The following PCDHA11 variants were observed in gnomAD, a reference collection of about 807,000 sequenced individuals.
PCDHA11 encodes the protein protocadherin alpha 11, also known as protocadherin alpha-11.
A neutral mutation model predicts 70.3 loss-of-function variants in PCDHA11; 61 were observed. That is an observed-to-expected ratio of 0.87 (90% CI 0.71 to 1.07). PCDHA11 has a LOEUF of 1.07. Ranked by LOEUF, PCDHA11 falls within the 50% of genes least tolerant of loss-of-function variation. The pLI, the probability that PCDHA11 is intolerant of heterozygous loss-of-function variation, is 0.00. For synonymous variants in PCDHA11, 633 were observed against 555.1 expected (o/e 1.14, Z -1.97); for missense variants, 1,324 against 1,237.5 (o/e 1.07, Z -1.05).
At chr5:140,970,762 A>C (rs2096431667) in intron 1 of PCDHA11, among the ~76,000 whole-genome samples, 1 of 152,198 alleles carries the variant, frequency 6.6e-6, no homozygotes, top group Admixed American at 6.5e-5. Context: ...TCATTGACAT[A>C]TTGCTGTACA....
intron 1 of PCDHA11, among the ~76,000 whole-genome samples, chr5:140,892,414 C>G (rs2063506203): frequency 6.6e-6 from 1 of 152,124 alleles, no homozygotes; most frequent in Non-Finnish European, 1.5e-5. Context: ...TTCAGGTATT[C>G]TAGATAAAAC....
chr5:140,985,643 A>G (rs564908892), intron 3 of PCDHA11, among the ~76,000 whole-genome samples: 1 of 151,200 alleles, frequency 6.6e-6, no homozygotes, highest in Non-Finnish European at 1.5e-5. Context: ...TCATCCCAAC[A>G]CTTGCAATGG....
At chr5:140,972,453 G>A (rs2096536665) in intron 1 of PCDHA11, among the ~76,000 whole-genome samples, 3 of 151,360 alleles carry the variant, frequency 2.0e-5, no homozygotes, top group South Asian at 2.1e-4. Context: ...TTTTTCTCTT[G>A]TTGCTTATTA....
intron 1 of PCDHA11, chr5:140,929,247 T>G (rs2085977234): frequency 1.9e-6 from 3 of 1,613,780 alleles, no homozygotes. Flanking sequence ...ATCTTGCCAC[T>G]GGGGTAGGAC....
Position 141,012,272 on chromosome 5 carries a change from C to G in PCDHA11, c.*2335C>G, listed in dbSNP as rs186406635. On this transcript the variant is annotated 3_prime_UTR_variant, in exon 4 of 4. Transcript: ENST00000398640. ...TTACAGCTGTAAGGATAAAACACGTCATGTGGATTCATTTTGAATTGGTGC... is the reference window on the plus strand; with the variant it reads ...TTACAGCTGTAAGGATAAAACACGTGATGTGGATTCATTTTGAATTGGTGC... 3.3e-4 allele frequency: 51 copies of G among 153,858 alleles called. No individual in the cohort carries two copies. In the East Asian group the frequency reaches 6.6e-3, roughly 20 times the overall value. 9.5% of individuals were successfully genotyped at this position (153,858 alleles called of 1,614,324 possible). A position where few individuals can be genotyped will look rare whatever the true frequency, so the allele number is the denominator to read the frequency against.
At chr5:140,907,915 C>T (rs1554193177) in intron 1 of PCDHA11, among the ~76,000 whole-genome samples, 1 of 152,234 alleles carries the variant, frequency 6.6e-6, no homozygotes, top group Admixed American at 6.5e-5. Context: ...TTTGACCACT[C>T]AGAGAGGTCC....
intron 1 of PCDHA11, chr5:140,929,420 C>A: frequency 6.7e-7 from 1 of 1,502,700 alleles, no homozygotes; most frequent in Non-Finnish European, 8.9e-7. Context: ...CACAACATTT[C>A]ATCAATTGAA....
intron 1 of PCDHA11, among the ~76,000 whole-genome samples, chr5:140,905,700 A>G (rs926526227): frequency 3.9e-5 from 6 of 152,136 alleles, no homozygotes; most frequent in Non-Finnish European, 5.9e-5. Context: ...TGTGTCATTT[A>G]TGATTTCCTT....
intron 1 of PCDHA11, among the ~76,000 whole-genome samples, chr5:140,955,987 A>T (rs1185683030): frequency 6.6e-6 from 1 of 152,198 alleles, no homozygotes; most frequent in Non-Finnish European, 1.5e-5. Context: ...CAATTTTTGC[A>T]CATTGATTTT....
chr5:140,980,824 A>G (rs2096907010), intron 2 of PCDHA11, among the ~76,000 whole-genome samples: 1 of 152,192 alleles, frequency 6.6e-6, no homozygotes, highest in Non-Finnish European at 1.5e-5. Flanking sequence ...ATATTAAATG[A>G]GTTGTGAACC....
Position 141,009,608 on chromosome 5 carries a change from G to T in PCDHA11, c.2540-19G>T, listed in dbSNP as rs1350951999. On this transcript the variant is annotated intron_variant, in intron 3 of 3. Coordinates refer to ENST00000398640, the MANE Select transcript of PCDHA11 (RefSeq NM_018902.5). Reference sequence around the variant, plus strand: ...CATGTGTTGACCCTGTTAATGATTTGTAATGTTTTGTCTTTCAGAACCAGA... The same window carrying T: ...CATGTGTTGACCCTGTTAATGATTTTTAATGTTTTGTCTTTCAGAACCAGA... 1 of 1,610,774 alleles carries T rather than the reference G, an allele frequency of 6.2e-7. No individual in the cohort carries two copies. The highest frequency in any genetic ancestry group is 2.2e-5 in the East Asian group (1 of 44,832).
chr5:140,884,837 C>A, intron 1 of PCDHA11: 4 of 902,438 alleles, frequency 4.4e-6, no homozygotes, highest in Non-Finnish European at 6.3e-6. Flanking sequence ...GATTATCCTT[C>A]AGAGTGAAAT....
chr5:140,906,239 T>G (rs563566442), intron 1 of PCDHA11, among the ~76,000 whole-genome samples: 5 of 152,314 alleles, frequency 3.3e-5, no homozygotes, highest in Admixed American at 1.3e-4. Context: ...CCTTGTCAAC[T>G]TGAACCCATA....
At chr5:140,990,742 G>A (rs947618929) in intron 3 of PCDHA11, among the ~76,000 whole-genome samples, 2 of 152,176 alleles carry the variant, frequency 1.3e-5, no homozygotes, top group African/African-American at 4.8e-5. Context: ...CAGCCCTAGG[G>A]TGGATACCTT....
At chr5:140,918,412 A>G (rs1335591362) in intron 1 of PCDHA11, among the ~76,000 whole-genome samples, 5 of 152,252 alleles carry the variant, frequency 3.3e-5, no homozygotes, top group Middle Eastern at 3.4e-3. Context: ...TCTGGCCAGG[A>G]CTTCCAGTAG....
At chr5:140,940,616 G>A (rs1554213527) in intron 1 of PCDHA11, among the ~76,000 whole-genome samples, 3 of 152,002 alleles carry the variant, frequency 2.0e-5, no homozygotes, top group Non-Finnish European at 4.4e-5. Flanking sequence ...CCTGGCTCCT[G>A]CAAATATTCT....
At position 140,869,037 on chromosome 5, in the gene PCDHA11, C is replaced by T. The variant is rs547872988; in HGVS notation, c.-67C>T. 8.6e-5 allele frequency: 132 copies of T among 1,528,404 alleles called. No individual in the cohort carries two copies. In the East Asian group the frequency reaches 2.7e-3, roughly 31 times the overall value. The allele number at this position is 1,528,404 out of a possible 1,614,324, so 94.7% of individuals were successfully genotyped here. ...CTTAAGAATTCAACGAGATTTTTAA[C>T]CTGAAACTGAAGAATCTGGTACTGT... On this transcript the variant is annotated 5_prime_UTR_variant, in exon 1 of 4. Coordinates refer to ENST00000398640, the MANE Select transcript of PCDHA11 (RefSeq NM_018902.5).
At chr5:141,007,991 A>G (rs1276879326) in intron 3 of PCDHA11, among the ~76,000 whole-genome samples, 1 of 152,234 alleles carries the variant, frequency 6.6e-6, no homozygotes, top group Non-Finnish European at 1.5e-5. Context: ...TATGAAATGT[A>G]CATGTTAATA....
intron 1 of PCDHA11, chr5:140,930,208 A>C (rs939593947): frequency 6.6e-6 from 1 of 152,220 alleles, no homozygotes; most frequent in African/African-American, 2.4e-5. Flanking sequence ...AGAAATATTT[A>C]TGTGTTCAAA....
Sources: gnomAD v4.1 joint callset for allele counts (sites outside exome capture counted in the v4.1 genomes callset) on GRCh38, gnomAD v4.1.1 for gene constraint, MANE v1.5 for transcripts, NCBI Gene and HGNC (gene_info 2026-07-23, HGNC 2026-07-21) for gene names.